Variants in TRPM2 observed in about 807,000 individuals in gnomAD.
TRPM2 encodes estrogen-responsive element-associated gene 1 protein.
TRPM2 carries 161 observed loss-of-function variants against 174.0 expected under a neutral mutation model. That is an observed-to-expected ratio of 0.93 (90% CI 0.81 to 1.05). The LOEUF (loss-of-function observed/expected upper bound fraction) is 1.05. Ranked by LOEUF, TRPM2 falls within the 50% of genes least tolerant of loss-of-function variation. TRPM2 has a pLI of 0.00. For synonymous variants in TRPM2, 954 were observed against 861.3 expected, an observed-to-expected ratio of 1.11 and a Z score of -1.88; for missense variants, 2,057 against 2,038.0, an observed-to-expected ratio of 1.01 and a Z score of -0.18.
chr21:44,383,729 A>C (rs11911332), intron 9 of TRPM2, among the ~76,000 whole-genome samples: 26,701 of 152,234 alleles, frequency 0.18, 2,473 homozygotes, highest in Non-Finnish European at 0.2. Flanking sequence ...TGGAAAATTC[A>C]CAAAGTTGTG....
chr21:44,421,216 G>T (rs2050537419), intron 22 of TRPM2, among the ~76,000 whole-genome samples: 1 of 152,122 alleles, frequency 6.6e-6, no homozygotes, highest in African/African-American at 2.4e-5. Context: ...TACTTGGGAG[G>T]CTGAGGCAGG....
Position 44,400,269 on chromosome 21 carries a change from C to T in TRPM2, c.2219C>T (p.Thr740Ile), listed in dbSNP as rs1442450675. 6.2e-7 allele frequency: 1 copy of T among 1,612,346 alleles called. No homozygotes were observed. The highest frequency in any genetic ancestry group is 8.5e-7 in the Non-Finnish European group (1 of 1,179,612). ...VSHGGIQAFL[T>I]KVWWGQLSVD... ...TGCCCCCATCCGCAGGCCTTCCTGACCAAGGTGTGGTGGGGCCAGCTCTCC... is the reference window on the plus strand; with the variant it reads ...TGCCCCCATCCGCAGGCCTTCCTGATCAAGGTGTGGTGGGGCCAGCTCTCC... Residue 740 changes from threonine to isoleucine, a missense_variant, in exon 15 of 32, where the codon ACC becomes ATC. By Grantham distance (89) the Thr-to-Ile change is moderately conservative (BLOSUM62 -1). Transcript: ENST00000397928.
In TRPM2 at chr21:44,379,054, C is replaced by T. The variant is rs750775665; in HGVS notation, c.1072C>T (p.Arg358Cys). 29 of 1,611,350 alleles carry T rather than the reference C, an allele frequency of 1.8e-5. No individual in the cohort carries two copies. The highest frequency in any genetic ancestry group is 6.7e-5 in the African/African-American group (5 of 74,874). The change falls in exon 8 of 32, where the codon CGC becomes TGC. Residue 358 changes from arginine (R) to cysteine (C), a missense_variant. Coordinates refer to ENST00000397928, the MANE Select transcript of TRPM2 (RefSeq NM_003307.4). ...TPCVVVEGSG[R>C]VADVIAQVAN... is the part of the protein sequence containing the mutation. ...CTGTGTGGTTGTGGAGGGCTCGGGC[C>T]GCGTGGCCGACGTCATTGCCCAGGT...
intron 2 of TRPM2, among the ~76,000 whole-genome samples, chr21:44,359,388 C>T (rs2048148397): frequency 6.6e-6 from 1 of 151,958 alleles, no homozygotes; most frequent in African/African-American, 2.4e-5. Context: ...TGAGCGTGAC[C>T]TTAGGGGTTT....
At chr21:44,368,620 C>CG (rs2048427935) in intron 4 of TRPM2, among the ~76,000 whole-genome samples, 1 of 150,770 alleles carries the variant, frequency 6.6e-6, no homozygotes, top group African/African-American at 2.4e-5. Context: ...TTAGTAGAGA[C>CG]GGGGTTTCAC....
intron 12 of TRPM2, among the ~76,000 whole-genome samples, chr21:44,396,868 AG>A (rs1289252145): frequency 6.9e-5 from 2 of 29,142 alleles, no homozygotes; most frequent in African/African-American, 1.5e-4. Context: ...AGGGGTGTGG[AG>A]GGCTGTGGAG....
intron 28 of TRPM2, among the ~76,000 whole-genome samples, chr21:44,435,649 C>G (rs1422455491): frequency 2.1e-5 from 3 of 145,768 alleles, no homozygotes; most frequent in Non-Finnish European, 4.5e-5. Context: ...CTCAGACCCA[C>G]TCTCCACACC....
At chr21:44,353,914 C>G (rs760450292) in intron 1 of TRPM2, 49 bp downstream of exon 1, 1 of 1,571,060 alleles carries the variant, frequency 6.4e-7, no homozygotes, top group East Asian at 2.4e-5. Context: ...CCACGGAGGT[C>G]ACCGTTGGGC....
intron 23 of TRPM2, among the ~76,000 whole-genome samples, chr21:44,424,063 C>T (rs1041123397): frequency 5.3e-5 from 8 of 152,174 alleles, no homozygotes; most frequent in African/African-American, 1.7e-4. Flanking sequence ...CTGGAGAGGC[C>T]GCAAGACCGA....
intron 8 of TRPM2, among the ~76,000 whole-genome samples, chr21:44,381,982 A>G (rs1427942228): frequency 1.3e-5 from 2 of 151,492 alleles, no homozygotes; most frequent in Non-Finnish European, 2.9e-5. Context: ...AGATAGATAG[A>G]TAGATAGATA....
At chr21:44,418,966 C>T (rs1210819195) in intron 22 of TRPM2, among the ~76,000 whole-genome samples, 1 of 152,198 alleles carries the variant, frequency 6.6e-6, no homozygotes, top group East Asian at 1.9e-4. Flanking sequence ...CAGCCCAGCC[C>T]TCGGGGTCAG....
chr21:44,401,703 G>T lies in TRPM2; in HGVS notation c.2344G>T (p.Gly782Cys). 6.2e-7 allele frequency: 1 copy of T among 1,613,034 alleles called. No individual in the cohort carries two copies. Residue 782 changes from glycine (G) to cysteine (C), a missense_variant, in exon 16 of 32, where the codon GGC becomes TGC. Coordinates refer to ENST00000397928, the MANE Select transcript of TRPM2 (RefSeq NM_003307.4). ...CAGGGAGAAGAGGCTGCAGGATGTG[G>T]GCACCCCCGCGGCCCGCGCCCGTGC... is the stretch of plus-strand genomic sequence containing the variant. ...SFREKRLQDV[G>C]TPAARARAFF...
intron 9 of TRPM2, among the ~76,000 whole-genome samples, chr21:44,384,282 A>G (rs1363380190): frequency 6.6e-6 from 1 of 152,232 alleles, no homozygotes; most frequent in African/African-American, 2.4e-5. Context: ...AGAATACCAC[A>G]GACTAAGTAC....
intron 16 of TRPM2, among the ~76,000 whole-genome samples, chr21:44,404,208 CAG>C (rs1056249609): frequency 3.7e-4 from 56 of 151,902 alleles, no homozygotes; most frequent in Middle Eastern, 6.8e-3. Context: ...CACATATACA[CAG>C]AGACACACAG....
At chr21:44,428,090 G>A (rs2050872381) in intron 27 of TRPM2, among the ~76,000 whole-genome samples, 1 of 152,150 alleles carries the variant, frequency 6.6e-6, no homozygotes, top group Non-Finnish European at 1.5e-5. Context: ...CTTTAGTAGT[G>A]CAGAAGAGCA....
In TRPM2 at chr21:44,358,803, C is replaced by T. The variant is rs143153427; in HGVS notation, c.254+4067C>T. Among the ~76,000 whole-genome samples the T allele has an allele frequency of 3.9e-5, 6 of 152,250 alleles. No individual in the cohort carries two copies. The East Asian group carries it at 7.7e-4, about 20-fold the overall frequency. ...ATTGTGTCCGGAGTTGGTTCCTTCC[C>T]GGGGGTCTTGGTCTCGCTGACTTCA... On this transcript the variant is annotated intron_variant, in intron 2 of 31. Transcript: ENST00000397928.
intron 9 of TRPM2, among the ~76,000 whole-genome samples, chr21:44,390,116 C>T (rs1165264923): frequency 1.3e-5 from 2 of 152,158 alleles, no homozygotes; most frequent in Admixed American, 6.5e-5. Context: ...TCATGATCCA[C>T]CCGCCTTGGC....
rs1458538780 is a variant in TRPM2, at chr21:44,406,599, G to T, written c.2796G>T (p.Lys932Asn). The T allele has an allele frequency of 6.2e-7, 1 of 1,609,072 alleles. No individual in the cohort carries two copies. The highest frequency in any genetic ancestry group is 1.1e-5 in the South Asian group (1 of 90,968). The change falls in exon 19 of 32, where the codon AAG (lysine) becomes AAT (asparagine). Residue 932 changes from lysine (K) to asparagine (N), a missense_variant. Lys to Asn is a moderately conservative substitution (Grantham distance 94). Coordinates refer to ENST00000397928, the MANE Select transcript of TRPM2 (RefSeq NM_003307.4). Reference protein sequence around the residue: ...PKIIIVKRMMKDVFFFLFLLA... With the variant: ...PKIIIVKRMMNDVFFFLFLLA... ...ACACACTCTCTGTCCTGCAGATGAAGGACGTCTTCTTCTTCCTCTTCCTGC... is the reference window on the plus strand; with the variant it reads ...ACACACTCTCTGTCCTGCAGATGAATGACGTCTTCTTCTTCCTCTTCCTGC...
At position 44,440,865 on chromosome 21, in the gene TRPM2, T is replaced by G; in HGVS notation, c.4346T>G (p.Phe1449Cys). The G allele has an allele frequency of 6.2e-7, 1 of 1,613,902 alleles. No individual in the cohort carries two copies. The highest frequency in any genetic ancestry group is 8.5e-7 in the Non-Finnish European group (1 of 1,179,948). ...GAGACGGTGGCCGTCAGCGTCCACT[T>G]CCAGGACCAGAATGACGTGGAGCTG... ...WIETVAVSVHFQDQNDVELNR... is the reference protein window; with the variant it reads ...WIETVAVSVHCQDQNDVELNR... Residue 1449 changes from phenylalanine (F) to cysteine (C), a missense_variant, in exon 31 of 32, where the codon TTC (phenylalanine) becomes TGC (cysteine). Coordinates refer to ENST00000397928, the MANE Select transcript of TRPM2 (RefSeq NM_003307.4).
Sources: allele counts gnomAD v4.1 joint callset (sites outside exome capture counted in the v4.1 genomes callset), GRCh38; gene constraint gnomAD v4.1.1; transcripts MANE v1.5; gene names NCBI Gene and HGNC (gene_info 2026-07-23, HGNC 2026-07-21).